CSMD1: variants seen among roughly 807,000 people sequenced by gnomAD.
CSMD1 encodes the protein CUB and Sushi multiple domains 1, also known as CUB and sushi domain-containing protein 1.
A neutral mutation model predicts 417.5 loss-of-function variants in CSMD1; 213 were observed. That is an observed-to-expected ratio of 0.51 (90% CI 0.46 to 0.57). CSMD1 has a LOEUF of 0.57. CSMD1 is among the 20% of genes least tolerant of loss of function. The pLI is 0.00. For synonymous variants in CSMD1, 2,862 were observed against 1,736.8 expected, an observed-to-expected ratio of 1.65 and a Z score of -16.11; for missense variants, 6,923 against 4,529.7, an observed-to-expected ratio of 1.53 and a Z score of -15.17.
chr8:3,501,729 A>G (rs919762976), intron 10 of CSMD1, among the ~76,000 whole-genome samples: 1 of 152,228 alleles, frequency 6.6e-6, no homozygotes, highest in Non-Finnish European at 1.5e-5. Flanking sequence ...TCTGGAAATT[A>G]TTAACACGGT....
chr8:4,546,067 T>A (rs536075024), intron 2 of CSMD1, among the ~76,000 whole-genome samples: 3 of 152,270 alleles, frequency 2.0e-5, no homozygotes, highest in Non-Finnish European at 2.9e-5. Context: ...CAAGTCAACT[T>A]CATCAGACAC....
intron 10 of CSMD1, among the ~76,000 whole-genome samples, chr8:3,539,887 G>C (rs577907172): frequency 1.3e-5 from 2 of 152,248 alleles, no homozygotes; most frequent in African/African-American, 4.8e-5. Context: ...TTAGAAAACG[G>C]CTTCCCTTTG....
Position 3,730,206 on chromosome 8 carries a change from A to C in CSMD1, c.932-21715T>G, listed in dbSNP as rs7826217. Among the ~76,000 whole-genome samples the C allele has an allele frequency of 3.9e-3, 591 of 152,186 alleles. 3 individuals carry two copies. Among genetic ancestry groups the C allele is most frequent in the African/African-American group, 0.014 (563 of 41,498 alleles). On this transcript the variant is annotated intron_variant, in intron 6 of 69. Transcript: ENST00000635120. ...GTCTCCAACAGGTAGGCAGAGAATG[A>C]GGCTTCCAGTTTGATTCCCCATATG...
In CSMD1 at chr8:3,554,341, G is replaced by A. The variant is rs534844448; in HGVS notation, c.1344+20604C>T. 2.6e-5 allele frequency among the ~76,000 whole-genome samples: 4 copies of A among 152,332 alleles called. No homozygotes were observed. The East Asian group carries it at 5.8e-4, about 22-fold the overall frequency. ...GTCAGAAGAGTGAGAAATAACTACA[G>A]AAGACCTGCTGGCTGGCGAGGGCTG... On this transcript the variant is annotated intron_variant, in intron 10 of 69. Transcript: ENST00000635120.
intron 7 of CSMD1, among the ~76,000 whole-genome samples, chr8:3,656,584 G>C (rs187733442): frequency 7.8e-4 from 119 of 152,230 alleles, no homozygotes; most frequent in Middle Eastern, 3.4e-3. Context: ...GTTTTCTTAC[G>C]AAGCCCTTTA....
In CSMD1 at chr8:3,889,551, ATGTGTGTC is replaced by A. The variant is rs1806811998; in HGVS notation, c.818+108344_818+108351del. Among the ~76,000 whole-genome samples the A allele has an allele frequency of 5.8e-5, 5 of 86,352 alleles. 1 individual carries two copies. The highest frequency in any genetic ancestry group is 1.6e-4 in the Admixed American group (1 of 6,374). The allele number at this position is 86,352 out of a possible 152,430, so 56.7% of individuals were successfully genotyped here. ...TATATACATACACACATATGTGTATATGTGTGTCTGTGTGTGTGTATGTGTATGTATAC... is the reference window on the plus strand; with the variant it reads ...TATATACATACACACATATGTGTATATGTGTGTGTGTATGTGTATGTATAC... On this transcript the variant is annotated intron_variant, in intron 5 of 69. Transcript: ENST00000635120.
chr8:3,194,062 G>T (rs112093089), intron 33 of CSMD1, among the ~76,000 whole-genome samples: 1 of 152,086 alleles, frequency 6.6e-6, no homozygotes, highest in African/African-American at 2.4e-5. Context: ...CTCTCTCATC[G>T]TTGGAAAATC....
rs184707923 is a variant in CSMD1 at position 2,964,822 on chromosome 8, G to C, written c.9280+953C>G. On this transcript the variant is annotated intron_variant, in intron 59 of 69. Coordinates refer to ENST00000635120, the MANE Select transcript of CSMD1 (RefSeq NM_033225.6). ...GAACACGCCCATGTCAGAAGAGAGA[G>C]AAAGCCATATTTTTGAGCATTCAGG... Among the ~76,000 whole-genome samples the C allele has an allele frequency of 3.2e-3, 483 of 152,110 alleles. 2 individuals carry two copies. The highest frequency in any genetic ancestry group is 0.011 in the African/African-American group (458 of 41,546).
At chr8:4,228,086 G>T (rs915502144) in intron 3 of CSMD1, among the ~76,000 whole-genome samples, 4 of 151,946 alleles carry the variant, frequency 2.6e-5, no homozygotes, top group Non-Finnish European at 4.4e-5. Context: ...CACACCAGGA[G>T]ACACACTCTC....
intron 3 of CSMD1, among the ~76,000 whole-genome samples, chr8:4,342,095 A>G (rs958237967): frequency 6.6e-6 from 1 of 152,036 alleles, no homozygotes; most frequent in African/African-American, 2.4e-5. Context: ...AGCCATCTCT[A>G]TGTTTCCATG....
chr8:3,325,761 T>C (rs1806487685), intron 23 of CSMD1, among the ~76,000 whole-genome samples: 1 of 151,844 alleles, frequency 6.6e-6, no homozygotes, highest in South Asian at 2.1e-4. Context: ...GAGGCAGAGG[T>C]TGCAGTGAGC....
chr8:3,010,804 C>CA (rs929825345), intron 52 of CSMD1, among the ~76,000 whole-genome samples: 3 of 150,900 alleles, frequency 2.0e-5, no homozygotes, highest in African/African-American at 7.3e-5. Flanking sequence ...AGTGTAATGG[C>CA]ATGATCTCGG....
chr8:4,239,119 G>C (rs1357200875), intron 3 of CSMD1, among the ~76,000 whole-genome samples: 1 of 152,078 alleles, frequency 6.6e-6, no homozygotes, highest in South Asian at 2.1e-4. Flanking sequence ...AGATTATGTG[G>C]GTTAAAACAA....
intron 3 of CSMD1, among the ~76,000 whole-genome samples, chr8:4,267,572 C>G (rs965400476): frequency 5.3e-5 from 8 of 151,854 alleles, no homozygotes; most frequent in African/African-American, 1.9e-4. Context: ...GTCACTGACA[C>G]AATAAGTGAC....
At chr8:4,200,936 C>T (rs931575521) in intron 3 of CSMD1, among the ~76,000 whole-genome samples, 5 of 152,100 alleles carry the variant, frequency 3.3e-5, no homozygotes, top group Non-Finnish European at 7.4e-5. Flanking sequence ...CATGTCTTTT[C>T]TAATCTCCAT....
At chr8:4,033,742 G>C (rs1047769671) in intron 3 of CSMD1, among the ~76,000 whole-genome samples, 4 of 152,100 alleles carry the variant, frequency 2.6e-5, no homozygotes, top group Admixed American at 6.6e-5. Context: ...TTCAATAATG[G>C]GGTATTGATT....
intron 58 of CSMD1, 77 bp downstream of exon 58, chr8:2,966,493 C>G: frequency 7.3e-7 from 1 of 1,361,404 alleles, no homozygotes; most frequent in East Asian, 2.4e-5. Context: ...CAGTATAACA[C>G]CTTAAAGTCA....
intron 1 of CSMD1, among the ~76,000 whole-genome samples, chr8:4,747,246 T>C (rs977425644): frequency 1.3e-5 from 2 of 152,220 alleles, no homozygotes; most frequent in African/African-American, 2.4e-5. Context: ...TATTGAGACA[T>C]GCCTTTTTCA....
intron 3 of CSMD1, among the ~76,000 whole-genome samples, chr8:4,181,650 G>C (rs901985450): frequency 1.4e-4 from 22 of 152,222 alleles, no homozygotes; most frequent in Middle Eastern, 3.4e-3. Flanking sequence ...TGTAAGAAAA[G>C]TTATAGATGA....
Sources: allele counts gnomAD v4.1 joint callset (sites outside exome capture counted in the v4.1 genomes callset), GRCh38; gene constraint gnomAD v4.1.1; transcripts MANE v1.5; gene names NCBI Gene and HGNC (gene_info 2026-07-23, HGNC 2026-07-21).